Variants in NELL2 observed in about 807,000 individuals in gnomAD.
NELL2 encodes protein kinase C-binding protein NELL2.
Under a neutral mutation model 109.6 loss-of-function variants are expected in NELL2, and 41 were observed. The ratio of observed to expected loss-of-function variants is 0.37; its 90% CI spans 0.29 to 0.49. The LOEUF is 0.49. NELL2 is among the 20% of genes least tolerant of loss of function. The probability of loss-of-function intolerance (pLI) is 0.98; values close to 1 mark genes in which losing one functional copy is unlikely to be tolerated. For missense variants in NELL2, 900 were observed against 1,008.3 expected, an observed-to-expected ratio of 0.89 and a Z score of 1.45; for synonymous variants, 355 against 344.7, an observed-to-expected ratio of 1.03 and a Z score of -0.33.
At chr12:44,784,430 C>T (rs192505379) in intron 3 of NELL2, among the ~76,000 whole-genome samples, 141 of 152,104 alleles carry the variant, frequency 9.3e-4, no homozygotes, top group Admixed American at 2.6e-3. Flanking sequence ...ATATGATAGC[C>T]TACATAGAAA....
intron 2 of NELL2, among the ~76,000 whole-genome samples, chr12:44,827,694 T>A (rs1245260893): frequency 6.6e-6 from 1 of 152,226 alleles, no homozygotes; most frequent in Non-Finnish European, 1.5e-5. Flanking sequence ...GTAAGTACCA[T>A]ATTTTCATTA....
intron 2 of NELL2, among the ~76,000 whole-genome samples, chr12:44,822,041 C>T (rs1376471359): frequency 2.0e-5 from 3 of 151,878 alleles, no homozygotes; most frequent in Non-Finnish European, 2.9e-5. Flanking sequence ...TCTGGGATTA[C>T]AGGCATGAGC....
intron 13 of NELL2, among the ~76,000 whole-genome samples, chr12:44,620,595 A>T (rs571282240): frequency 1.1e-4 from 16 of 152,242 alleles, no homozygotes; most frequent in Non-Finnish European, 2.4e-4. Context: ...TTTCCCATCC[A>T]CAGACAAATA....
chr12:44,785,970 C>A (rs1361600631), intron 3 of NELL2, among the ~76,000 whole-genome samples: 1 of 152,042 alleles, frequency 6.6e-6, no homozygotes, highest in African/African-American at 2.4e-5. Context: ...TAGGCACGGG[C>A]AAAGACTTCA....
intron 2 of NELL2, among the ~76,000 whole-genome samples, chr12:44,869,103 G>A (rs904803492): frequency 1.3e-4 from 19 of 151,982 alleles, no homozygotes; most frequent in Admixed American, 1.1e-3. Context: ...TGAGAAAGGC[G>A]CTGCATATAA....
intron 13 of NELL2, 96 bp from the exon 14 acceptor site, chr12:44,611,066 T>A: frequency 8.1e-7 from 1 of 1,229,062 alleles, no homozygotes; most frequent in Non-Finnish European, 1.2e-6. Context: ...TGGTAAATTC[T>A]TTCAACCACA....
chr12:44,773,233 T>C (rs1270847948), intron 9 of NELL2, among the ~76,000 whole-genome samples: 2 of 152,168 alleles, frequency 1.3e-5, no homozygotes, highest in African/African-American at 2.4e-5. Context: ...CCCAGCACTT[T>C]GGGAGGCTGA....
At position 44,598,163 on chromosome 12, in the gene NELL2, C is replaced by CA. The variant is rs10538007; in HGVS notation, c.1663+9005dup. ...TAACCTGGAATATAATTTATTCTCT[C>CA]AAAAAAAAAAAAAAAAAAAACAGTA... On this transcript the variant is annotated intron_variant, in intron 15 of 19. Transcript: ENST00000429094. Among the ~76,000 whole-genome samples the CA allele has an allele frequency of 6.0e-3, 742 of 122,822 alleles. 6 individuals are homozygous for CA. The highest frequency in any genetic ancestry group is 0.013 in the South Asian group (51 of 3,866). 80.6% of individuals were successfully genotyped at this position (122,822 alleles called of 152,430 possible).
chr12:44,782,094 T>A (rs1211726686), intron 3 of NELL2, among the ~76,000 whole-genome samples: 1 of 151,988 alleles, frequency 6.6e-6, no homozygotes, highest in Non-Finnish European at 1.5e-5. Context: ...CCTAAATGTA[T>A]GTTAAACAAT....
intron 2 of NELL2, among the ~76,000 whole-genome samples, chr12:44,850,225 T>A (rs1029417467): frequency 1.3e-5 from 2 of 152,162 alleles, no homozygotes; most frequent in African/African-American, 4.8e-5. Flanking sequence ...TCTAATTTAG[T>A]AGTCCTAAAA....
At chr12:44,576,431 G>C (rs562596537) in intron 15 of NELL2, among the ~76,000 whole-genome samples, 1 of 152,170 alleles carries the variant, frequency 6.6e-6, no homozygotes, top group African/African-American at 2.4e-5. Flanking sequence ...AAGCAGGCTT[G>C]TGTTGAATAA....
chr12:44,575,607 G>A (rs148547788), intron 15 of NELL2, among the ~76,000 whole-genome samples: 10 of 152,278 alleles, frequency 6.6e-5, no homozygotes, highest in African/African-American at 2.2e-4. Flanking sequence ...GAAACTGTAG[G>A]GGATGTGGAA....
intron 15 of NELL2, among the ~76,000 whole-genome samples, chr12:44,541,620 C>T (rs932326894): frequency 2.0e-5 from 3 of 152,066 alleles, no homozygotes; most frequent in Non-Finnish European, 4.4e-5. Context: ...AACACATACA[C>T]AAAAATCAAT....
rs192028397 is a variant in NELL2 at position 44,684,322 on chromosome 12, G to A, written c.1319-18713C>T. 5.5e-4 allele frequency among the ~76,000 whole-genome samples: 83 copies of A among 151,968 alleles called. 2 individuals are homozygous for A. The East Asian group carries it at 0.012, about 22-fold the overall frequency. On this transcript the variant is annotated intron_variant, in intron 12 of 19. Transcript: ENST00000429094. Reference sequence around the variant, plus strand: ...ATTCTTCTCTCTTTTTTCTTTATTAGTCTTGCTAGTGGTCTATCAATTTTG... The same window carrying A: ...ATTCTTCTCTCTTTTTTCTTTATTAATCTTGCTAGTGGTCTATCAATTTTG...
chr12:44,521,184 T>C (rs556503310), intron 18 of NELL2, among the ~76,000 whole-genome samples: 5 of 152,310 alleles, frequency 3.3e-5, no homozygotes, highest in South Asian at 4.1e-4. Context: ...TATAAATATA[T>C]AGAGAAATTC....
chr12:44,811,691 T>C (rs1943185282), intron 3 of NELL2, among the ~76,000 whole-genome samples: 2 of 152,060 alleles, frequency 1.3e-5, no homozygotes, highest in African/African-American at 4.8e-5. Context: ...AGAGCAGGCT[T>C]CCCAATAAGC....
Position 44,520,048 on chromosome 12 carries a change from G to A in NELL2, c.2357C>T (p.Ser786Phe), listed in dbSNP as rs1184442541. ...ACACTCAGTGCCATGTTTGATCCAA[G>A]AGGACCCGGTGAAGCGAACCACATT... ...EMNVVRFTGS[S>F]WIKHGTECTL... is the part of the protein sequence containing the mutation. The change falls in exon 19 of 20, where the codon TCT becomes TTT. Residue 786 changes from serine (S) to phenylalanine (F), a missense_variant. Around this residue, in one of 4 missense-constraint regions of NELL2, gnomAD observed 333 missense variants for 432.3 expected, o/e 0.77. Coordinates refer to ENST00000429094, the MANE Select transcript of NELL2 (RefSeq NM_001145108.2). 2 of 1,614,178 alleles carry A rather than the reference G, an allele frequency of 1.2e-6. No homozygotes were observed. The highest frequency in any genetic ancestry group is 3.3e-5 in the Admixed American group (2 of 60,024).
At chr12:44,641,026 G>T (rs183571618) in intron 13 of NELL2, among the ~76,000 whole-genome samples, 47 of 152,256 alleles carry the variant, frequency 3.1e-4, no homozygotes, top group African/African-American at 1.1e-3. Context: ...GGAACCAGAT[G>T]TAACTGAGAT....
intron 13 of NELL2, among the ~76,000 whole-genome samples, chr12:44,622,061 T>C (rs1411701321): frequency 2.6e-5 from 4 of 152,280 alleles, no homozygotes; most frequent in Admixed American, 6.5e-5. Context: ...ATCTTGCCGT[T>C]AACGCCTGCC....
Sources: allele counts gnomAD v4.1 joint callset (sites outside exome capture counted in the v4.1 genomes callset), GRCh38; gene constraint gnomAD v4.1.1; regional missense constraint gnomAD v4.1.1; transcripts MANE v1.5; gene names NCBI Gene and HGNC (gene_info 2026-07-23, HGNC 2026-07-21).